Variants in LHX9 observed in about 807,000 individuals in gnomAD.
LHX9 encodes the protein LIM homeobox 9, also known as LIM/homeobox protein Lhx9.
A neutral mutation model predicts 36.5 loss-of-function variants in LHX9; 9 were observed. The observed-to-expected ratio is 0.25, with a 90% CI of 0.15 to 0.43. The LOEUF is 0.43. Ranked by LOEUF, LHX9 falls within the 20% of genes least tolerant of loss-of-function variation. The pLI, the probability that LHX9 is intolerant of heterozygous loss-of-function variation, is 1.00. For missense variants in LHX9, 464 were observed against 526.4 expected (o/e 0.88, Z 1.16); for synonymous variants, 211 against 212.1 (o/e 0.99, Z 0.04).
chr1:197,928,743 C>T (rs1371823638), intron 4 of LHX9, among the ~76,000 whole-genome samples: 1 of 151,928 alleles, frequency 6.6e-6, no homozygotes, highest in Non-Finnish European at 1.5e-5. Flanking sequence ...CCAAGTGGCA[C>T]TTGTTAATGC....
At chr1:197,917,115 T>TGC (rs1491353574), upstream of LHX9, 867 of 172,656 alleles carry the variant, frequency 5.0e-3, 3 homozygotes, top group Middle Eastern at 0.012. Context: ...TGTGTGTGTG[T>TGC]GCGCGCGCGC....
Position 197,932,004 on chromosome 1 carries a change from C to A in LHX9, c.*2745C>A. 3 of 1,486,586 alleles carry A rather than the reference C, an allele frequency of 2.0e-6. No homozygotes were observed. The highest frequency in any genetic ancestry group is 1.2e-5 in the South Asian group (1 of 81,750). 92.1% of individuals were successfully genotyped at this position (1,486,586 alleles called of 1,614,324 possible). On this transcript the variant is annotated 3_prime_UTR_variant, in exon 5 of 5. Transcript: ENST00000367387. ...ATTAAAAGAAGGGGAAAAGTTTGAT[C>A]GGAAATCCACTGCAGTGAAGACAAA...
At chr1:197,926,605 C>T (rs1660147530) in intron 3 of LHX9, among the ~76,000 whole-genome samples, 1 of 152,070 alleles carries the variant, frequency 6.6e-6, no homozygotes, top group South Asian at 2.1e-4. Flanking sequence ...GTTGTTTTGC[C>T]CTTGGTGCTA....
rs1340028944 is a variant in LHX9 at position 197,934,798 on chromosome 1, A to G, written c.*5539A>G. On this transcript the variant is annotated 3_prime_UTR_variant, in exon 5 of 5. Transcript: ENST00000367387. Reference sequence around the variant, plus strand: ...AAATAGGAAGTTTTTTTAATGGTTTACTGTTGATTTTAAACATTTTAATAA... The same window carrying G: ...AAATAGGAAGTTTTTTTAATGGTTTGCTGTTGATTTTAAACATTTTAATAA... 6.6e-6 allele frequency: 1 copy of G among 152,016 alleles called. No homozygotes were observed. The highest frequency in any genetic ancestry group is 1.5e-5 in the Non-Finnish European group (1 of 67,996). The allele number at this position is 152,016 out of a possible 1,614,324, so 9.4% of individuals were successfully genotyped here.
At position 197,918,266 on chromosome 1, in the gene LHX9, T is replaced by C. The variant is rs527271438; in HGVS notation, c.174+269T>C. Reference sequence around the variant, plus strand: ...AACTGGGAGGAGGTGGGATGGGGGGTGGTGGCATTCTCTTCTACAGACCTC... The same window carrying C: ...AACTGGGAGGAGGTGGGATGGGGGGCGGTGGCATTCTCTTCTACAGACCTC... On this transcript the variant is annotated intron_variant, in intron 1 of 4. Coordinates refer to ENST00000367387, the MANE Select transcript of LHX9 (RefSeq NM_020204.3). The C allele has an allele frequency of 7.0e-6, 5 of 713,608 alleles. No individual in the cohort carries two copies. In the Admixed American group the frequency reaches 1.0e-4, roughly 14 times the overall value. The allele number at this position is 713,608 out of a possible 1,614,324, so 44.2% of individuals were successfully genotyped here. A position where few individuals can be genotyped will look rare whatever the true frequency, so the allele number is the denominator to read the frequency against.
In LHX9 at chr1:197,935,255, A is replaced by G. The variant is rs1055704917; in HGVS notation, c.*5996A>G. 4 of 152,170 alleles carry G rather than the reference A, an allele frequency of 2.6e-5. No individual in the cohort carries two copies. Among genetic ancestry groups the G allele is most frequent in the African/African-American group, 9.7e-5 (4 of 41,444 alleles). The allele number at this position is 152,170 out of a possible 1,614,324, so 9.4% of individuals were successfully genotyped here. On this transcript the variant is annotated 3_prime_UTR_variant, in exon 5 of 5. Coordinates refer to ENST00000367387, the MANE Select transcript of LHX9 (RefSeq NM_020204.3). ...TTGCATTACATTTTATCTTGTGCTA[A>G]GATAACAAAAAGCAAGCAAGAATAA...
At chr1:197,916,652 T>C (rs761602080), upstream of LHX9, 3 of 702,834 alleles carry the variant, frequency 4.3e-6, no homozygotes, top group South Asian at 4.4e-5. Context: ...TCAAAGAAAA[T>C]TGTTTTGCCA....
At position 197,919,927 on chromosome 1, in the gene LHX9, T is replaced by C. The variant is rs1411435701; in HGVS notation, c.175-45T>C. The C allele has an allele frequency of 1.9e-6, 3 of 1,596,574 alleles. No homozygotes were observed. In the African/African-American group the frequency reaches 4.0e-5, roughly 21 times the overall value. ...GGGGGAGAACCCCGCGTCGTGCGGC[T>C]ACACCGCGCGCCCTCCTCAGCCTTG... is the stretch of plus-strand genomic sequence containing the variant. On this transcript the variant is annotated intron_variant, in intron 1 of 4. Transcript: ENST00000367387.
In LHX9 at chr1:197,921,283, G is replaced by A. The variant is rs912530765; in HGVS notation, c.378-21G>A. 6.3e-7 allele frequency: 1 copy of A among 1,594,454 alleles called. No homozygotes were observed. The highest frequency in any genetic ancestry group is 2.2e-5 in the East Asian group (1 of 44,670). On this transcript the variant is annotated intron_variant, in intron 2 of 4. Transcript: ENST00000367387. The surrounding 1 kb of genome is among the most constrained non-coding windows in gnomAD (Gnocchi z 4.6). ...TCTGCCTTGCTTCAACTAGCGCCCT[G>A]ACTCAACTCTTTCCTTCCAGAAGGT...
At chr1:197,915,348 G>A (rs1427918544), upstream of LHX9, among the ~76,000 whole-genome samples, 5 of 152,184 alleles carry the variant, frequency 3.3e-5, no homozygotes, top group Non-Finnish European at 7.3e-5. Flanking sequence ...TTTAGCCTCT[G>A]ACTTGTGTGA....
In LHX9 at chr1:197,920,005, C is replaced by G. The variant is rs1333374485; in HGVS notation, c.208C>G (p.Leu70Val). Reference protein sequence around the residue: ...MPPLSPEKPALCAGCGGKISD... With the variant: ...MPPLSPEKPAVCAGCGGKISD... ...CCCGCTCAGCCCGGAGAAGCCCGCC[C>G]TGTGCGCCGGCTGCGGGGGCAAGAT... Residue 70 changes from leucine to valine, a missense_variant, in exon 2 of 5, where the codon CTG (leucine) becomes GTG (valine). Leu to Val is a conservative substitution (Grantham distance 32, BLOSUM62 1). This residue lies in a region of LHX9 where 119 missense variants were observed against 102.4 expected (regional missense o/e 1.16). Coordinates refer to ENST00000367387, the MANE Select transcript of LHX9 (RefSeq NM_020204.3). 6.2e-7 allele frequency: 1 copy of G among 1,614,216 alleles called. No homozygotes were observed. The highest frequency in any genetic ancestry group is 1.1e-5 in the South Asian group (1 of 91,088).
chr1:197,913,449 C>G (rs1037071336), upstream of LHX9, among the ~76,000 whole-genome samples: 2 of 152,170 alleles, frequency 1.3e-5, no homozygotes, highest in Non-Finnish European at 2.9e-5. Context: ...CCTAGTAGGA[C>G]TGAATCAGAA....
At position 197,921,330 on chromosome 1, in the gene LHX9, G is replaced by T. The variant is rs1398153372; in HGVS notation, c.404G>T (p.Arg135Leu). Residue 135 changes from arginine (R) to leucine (L), a missense_variant, in exon 3 of 5, where the codon CGC becomes CTC. By Grantham distance (102) the Arg-to-Leu change is moderately radical. Coordinates refer to ENST00000367387, the MANE Select transcript of LHX9 (RefSeq NM_020204.3). This position sits in a 1 kb window ranked among gnomAD's most constrained non-coding sequence, Gnocchi z 4.6. ...YRRFSVQRCA[R>L]CHLGISASEM... is the part of the protein sequence containing the mutation. ...AGGTTCTCTGTGCAGAGATGTGCCC[G>T]CTGCCACCTTGGCATTTCCGCCTCG... 6 of 1,613,874 alleles carry T rather than the reference G, an allele frequency of 3.7e-6. No homozygotes were observed. The highest frequency in any genetic ancestry group is 1.1e-5 in the South Asian group (1 of 91,062).
At chr1:197,917,221 C>T (rs926111823), upstream of LHX9, 34 of 1,197,214 alleles carry the variant, frequency 2.8e-5, no homozygotes, top group South Asian at 4.9e-4. Context: ...TCCTGCTTGC[C>T]CATCACCAGG....
upstream of LHX9, chr1:197,916,709 C>T (rs529568857): frequency 5.7e-6 from 4 of 702,916 alleles, no homozygotes; most frequent in African/African-American, 7.0e-5. Flanking sequence ...CTCTCCACTT[C>T]GGATGAAGCC....
chr1:197,915,142 C>A (rs577891326), upstream of LHX9, among the ~76,000 whole-genome samples: 12 of 152,218 alleles, frequency 7.9e-5, no homozygotes, highest in Non-Finnish European at 1.5e-4. Context: ...CAATATGCAA[C>A]AAGAACCAAA....
upstream of LHX9, chr1:197,912,834 T>C: frequency 1.9e-6 from 1 of 520,838 alleles, no homozygotes; most frequent in Admixed American, 3.4e-5. Flanking sequence ...GCAGAGGTCC[T>C]GGTTCCACTG....
chr1:197,918,415 G>A, intron 1 of LHX9: 3 of 716,648 alleles, frequency 4.2e-6, no homozygotes, highest in Non-Finnish European at 2.6e-6. Flanking sequence ...CAGGAGCCCA[G>A]GTGGCCTTAG....
chr1:197,914,851 A>G (rs73083813), upstream of LHX9, among the ~76,000 whole-genome samples: 8,493 of 152,268 alleles, frequency 0.056, 797 homozygotes, highest in African/African-American at 0.19. Flanking sequence ...GAGTTTTATA[A>G]GAGCAGGAAT....
Sources: gnomAD v4.1 joint callset for allele counts (sites outside exome capture counted in the v4.1 genomes callset) on GRCh38, gnomAD v4.1.1 for gene constraint, gnomAD v4.1.1 regional missense constraint, Gnocchi (gnomAD v3.1) non-coding constraint, MANE v1.5 for transcripts, NCBI Gene and HGNC (gene_info 2026-07-23, HGNC 2026-07-21) for gene names.